The following KCNQ3 variants were observed in gnomAD, a reference collection of about 807,000 sequenced individuals.
KCNQ3 encodes the protein potassium voltage-gated channel subfamily Q member 3, also known as potassium voltage-gated channel subfamily KQT member 3.
KCNQ3 carries 30 observed loss-of-function variants against 92.5 expected under a neutral mutation model. That is an observed-to-expected ratio of 0.32 (90% CI 0.24 to 0.44). The LOEUF (loss-of-function observed/expected upper bound fraction) is 0.44. Ranked by LOEUF, KCNQ3 falls within the 20% of genes least tolerant of loss-of-function variation. The pLI, the probability that KCNQ3 is intolerant of heterozygous loss-of-function variation, is 1.00. For missense variants in KCNQ3, 913 were observed against 1,140.3 expected, an observed-to-expected ratio of 0.80 and a Z score of 2.87; for synonymous variants, 450 against 468.8, an observed-to-expected ratio of 0.96 and a Z score of 0.52.
intron 1 of KCNQ3, among the ~76,000 whole-genome samples, chr8:132,403,964 T>A (rs1199369883): frequency 6.6e-6 from 1 of 152,164 alleles, no homozygotes; most frequent in Non-Finnish European, 1.5e-5. Flanking sequence ...AACACCGCCC[T>A]CTCTCCAGGG....
At chr8:132,197,646 T>C (rs940383706) in intron 1 of KCNQ3, among the ~76,000 whole-genome samples, 2 of 147,480 alleles carry the variant, frequency 1.4e-5, no homozygotes, top group Non-Finnish European at 3.0e-5. Context: ...GTCTCTGATA[T>C]ATCCTGGATG....
intron 1 of KCNQ3, among the ~76,000 whole-genome samples, chr8:132,443,856 C>A (rs1232892560): frequency 1.3e-5 from 2 of 152,044 alleles, no homozygotes; most frequent in Non-Finnish European, 1.5e-5. Context: ...ACACTCTTTA[C>A]CCCCCCATTT....
intron 9 of KCNQ3, among the ~76,000 whole-genome samples, chr8:132,159,820 GTCCATCCA>G (rs1825928657): frequency 6.6e-6 from 1 of 152,000 alleles, no homozygotes; most frequent in South Asian, 2.1e-4. Context: ...AGAATAATGA[GTCCATCCA>G]TCCATCTATC....
At chr8:132,284,422 TA>T (rs1399356504) in intron 1 of KCNQ3, among the ~76,000 whole-genome samples, 1 of 152,156 alleles carries the variant, frequency 6.6e-6, no homozygotes, top group Non-Finnish European at 1.5e-5. Context: ...CTGTCTCAGG[TA>T]ACACAGCTAG....
intron 1 of KCNQ3, among the ~76,000 whole-genome samples, chr8:132,343,799 T>G (rs1220202292): frequency 3.9e-5 from 6 of 152,088 alleles, no homozygotes; most frequent in Admixed American, 3.9e-4. Flanking sequence ...GCTCTTCCAG[T>G]TTCTATAGTG....
rs574307702 is a variant in KCNQ3, at chr8:132,465,491, C to T, written c.386+14656G>A. 7.2e-5 allele frequency among the ~76,000 whole-genome samples: 11 copies of T among 152,114 alleles called. No individual in the cohort carries two copies. In the South Asian group the frequency reaches 1.5e-3, roughly 20 times the overall value. ...CCTGTAATCCCAGCACTTTCGGAGG[C>T]GGAGGCGGGAGGATCATAAGGTCAG... On this transcript the variant is annotated intron_variant, in intron 1 of 14. Transcript: ENST00000388996.
At chr8:132,242,642 A>G (rs1815033095) in intron 1 of KCNQ3, among the ~76,000 whole-genome samples, 1 of 152,224 alleles carries the variant, frequency 6.6e-6, no homozygotes, top group Non-Finnish European at 1.5e-5. Context: ...TATAAATTCC[A>G]TTACTATTTC....
At chr8:132,187,115 G>A (rs1826995055) in intron 1 of KCNQ3, 1 of 454,774 alleles carries the variant, frequency 2.2e-6, no homozygotes, top group Non-Finnish European at 4.4e-6. Context: ...ATAAGCTAGG[G>A]TTTATGGGTG....
chr8:132,320,933 C>G (rs1243033926), intron 1 of KCNQ3, among the ~76,000 whole-genome samples: 3 of 152,130 alleles, frequency 2.0e-5, no homozygotes, highest in Admixed American at 1.3e-4. Flanking sequence ...CTCTAGCTGC[C>G]CACTGGAATC....
At chr8:132,131,295 C>T (rs891029212) in intron 14 of KCNQ3, among the ~76,000 whole-genome samples, 2 of 152,216 alleles carry the variant, frequency 1.3e-5, no homozygotes, top group African/African-American at 4.8e-5. Context: ...CCTTGAAAAA[C>T]TGGCAGTACC....
chr8:132,302,986 G>A (rs570228179), intron 1 of KCNQ3, among the ~76,000 whole-genome samples: 1 of 152,232 alleles, frequency 6.6e-6, no homozygotes, highest in South Asian at 2.1e-4. Flanking sequence ...GCTGGGAAAT[G>A]CATGACTGCT....
intron 1 of KCNQ3, among the ~76,000 whole-genome samples, chr8:132,441,173 A>G (rs1420266386): frequency 6.6e-6 from 1 of 152,256 alleles, no homozygotes; most frequent in African/African-American, 2.4e-5. Flanking sequence ...CCTCAAAAGT[A>G]GGTTGATGCC....
chr8:132,225,366 A>C (rs554989977), intron 1 of KCNQ3, among the ~76,000 whole-genome samples: 8 of 152,138 alleles, frequency 5.3e-5, no homozygotes, highest in Non-Finnish European at 1.0e-4. Context: ...ATTTTTAGGG[A>C]GTGAGAAGGA....
chr8:132,175,731 C>T lies in KCNQ3; in HGVS notation c.778-123G>A, dbSNP rs1826526969. 3.5e-6 allele frequency: 3 copies of T among 852,576 alleles called. No individual in the cohort carries two copies. The East Asian group carries it at 7.9e-5, about 23-fold the overall frequency. The allele number at this position is 852,576 out of a possible 1,614,324, so 52.8% of individuals were successfully genotyped here. ...GCTCTGTGACTGTGGTCAAATCACT[C>T]ACCTTCTCTGATCTTCATCTTCCAT... On this transcript the variant is annotated intron_variant, in intron 4 of 14. Coordinates refer to ENST00000388996, the MANE Select transcript of KCNQ3 (RefSeq NM_004519.4).
intron 1 of KCNQ3, among the ~76,000 whole-genome samples, chr8:132,418,617 C>A (rs1410214442): frequency 6.6e-6 from 1 of 152,104 alleles, no homozygotes. Context: ...GAAACATCGT[C>A]TCTACTAAAA....
intron 1 of KCNQ3, among the ~76,000 whole-genome samples, chr8:132,243,910 G>A (rs1270399867): frequency 6.6e-6 from 1 of 152,154 alleles, no homozygotes; most frequent in Admixed American, 6.6e-5. Context: ...CTTGGATTGT[G>A]CATGTGTGCC....
At chr8:132,287,086 A>G (rs1229919277) in intron 1 of KCNQ3, among the ~76,000 whole-genome samples, 1 of 152,216 alleles carries the variant, frequency 6.6e-6, no homozygotes, top group Non-Finnish European at 1.5e-5. Flanking sequence ...AAAACCAACT[A>G]AGGCAGATGT....
intron 1 of KCNQ3, among the ~76,000 whole-genome samples, chr8:132,426,970 C>T (rs1821129979): frequency 6.6e-6 from 1 of 152,172 alleles, no homozygotes; most frequent in South Asian, 2.1e-4. Flanking sequence ...GACAGTAGGG[C>T]ACAGATTAAG....
At chr8:132,251,200 G>C (rs924234625) in intron 1 of KCNQ3, among the ~76,000 whole-genome samples, 2 of 152,104 alleles carry the variant, frequency 1.3e-5, no homozygotes, top group African/African-American at 4.8e-5. Flanking sequence ...CTGGGAGGTG[G>C]AGGAGGCAGT....
Sources: gnomAD v4.1 joint callset for allele counts (sites outside exome capture counted in the v4.1 genomes callset) on GRCh38, gnomAD v4.1.1 for gene constraint, MANE v1.5 for transcripts, NCBI Gene and HGNC (gene_info 2026-07-23, HGNC 2026-07-21) for gene names.